ARID1B: variants seen among roughly 807,000 people sequenced by gnomAD.
ARID1B encodes the protein AT-rich interactive domain-containing protein 1B.
In ARID1B, 30 loss-of-function variants were observed where a neutral mutation model predicts 212.3. That is an observed-to-expected ratio of 0.14 (90% CI 0.11 to 0.19). ARID1B has a LOEUF of 0.19. Ranked by LOEUF, ARID1B falls within the 10% of genes least tolerant of loss-of-function variation. The pLI is 1.00. For missense variants in ARID1B, 2,891 were observed against 3,204.0 expected (o/e 0.90, Z 2.36); for synonymous variants, 1,402 against 1,301.7 (o/e 1.08, Z -1.66).
chr6:157,189,300 ACT>A (rs1174739341), intron 13 of ARID1B, among the ~76,000 whole-genome samples: 2 of 152,252 alleles, frequency 1.3e-5, no homozygotes, highest in East Asian at 3.9e-4. Context: ...GTGAATGAAC[ACT>A]CTTCTGCCTA....
chr6:157,194,740 T>C (rs970160112), intron 15 of ARID1B: 1 of 152,248 alleles, frequency 6.6e-6, no homozygotes, highest in East Asian at 1.9e-4. Context: ...TTTTTTCTTA[T>C]GGGAGAAGGG....
intron 3 of ARID1B, among the ~76,000 whole-genome samples, chr6:156,932,374 A>G (rs915461947): frequency 1.3e-5 from 2 of 148,478 alleles, no homozygotes; most frequent in Non-Finnish European, 3.0e-5. Flanking sequence ...CCTCATTTCC[A>G]TTGCCTGGTT....
chr6:156,926,530 A>G (rs1338784186), intron 3 of ARID1B, among the ~76,000 whole-genome samples: 1 of 152,218 alleles, frequency 6.6e-6, no homozygotes, highest in African/African-American at 2.4e-5. Context: ...AACTTCATTC[A>G]GTTTCCTTTA....
At chr6:156,846,748 G>A (rs1405556401) in intron 2 of ARID1B, among the ~76,000 whole-genome samples, 2 of 152,108 alleles carry the variant, frequency 1.3e-5, no homozygotes, top group African/African-American at 4.8e-5. Flanking sequence ...CCATGGACTC[G>A]CCTGCTGTGG....
chr6:157,130,191 A>T (rs981696104), intron 6 of ARID1B, among the ~76,000 whole-genome samples: 2 of 152,082 alleles, frequency 1.3e-5, no homozygotes, highest in African/African-American at 4.8e-5. Flanking sequence ...AGAATATAGT[A>T]TATTATCAGA....
rs56983474 is a variant in ARID1B at position 156,823,688 on chromosome 6, GT to G, written c.1792-5522del. Among the ~76,000 whole-genome samples, 297 of 118,008 alleles carry G rather than the reference GT, an allele frequency of 2.5e-3. 2 individuals carry two copies. The East Asian group carries it at 0.043, about 17-fold the overall frequency. The allele number at this position is 118,008 out of a possible 152,430, so 77.4% of individuals were successfully genotyped here. On this transcript the variant is annotated intron_variant, in intron 1 of 19. Coordinates refer to ENST00000636930, the MANE Select transcript of ARID1B (RefSeq NM_001374828.1). ...GTTCTTTCGGTGGGTTTTCTTTGTTGTTTTTTTTTTTTTTTTTGTGAAGTGT... is the reference window on the plus strand; with the variant it reads ...GTTCTTTCGGTGGGTTTTCTTTGTTGTTTTTTTTTTTTTTTTGTGAAGTGT...
intron 8 of ARID1B, 188 bp from the exon 9 acceptor site, chr6:157,166,852 G>T: frequency 1.7e-6 from 1 of 593,778 alleles, no homozygotes; most frequent in Non-Finnish European, 2.7e-6. Flanking sequence ...AATTGTAAAG[G>T]GGTGTATTAA....
At chr6:157,080,368 C>G (rs891598295) in intron 4 of ARID1B, among the ~76,000 whole-genome samples, 3 of 152,144 alleles carry the variant, frequency 2.0e-5, no homozygotes, top group African/African-American at 2.4e-5. Flanking sequence ...AGCTAACTTA[C>G]GCTAAATTGA....
rs533136848 is a variant in ARID1B at position 157,010,139 on chromosome 6, T to TACCAC, written c.2248-74523_2248-74522insACCAC. 3.8e-4 allele frequency among the ~76,000 whole-genome samples: 58 copies of TACCAC among 152,340 alleles called. 1 individual carries two copies. The South Asian group carries it at 0.012, about 32-fold the overall frequency. On this transcript the variant is annotated intron_variant, in intron 4 of 19. Transcript: ENST00000636930. ...AAAGTGATCACACTTATACCACTGA[T>TACCAC]TCACTGGTTTCACTCAGGGGTTTTG...
chr6:157,002,734 A>T (rs1221995596), intron 4 of ARID1B, among the ~76,000 whole-genome samples: 1 of 152,224 alleles, frequency 6.6e-6, no homozygotes, highest in Admixed American at 6.5e-5. Context: ...CTGCTGTGTT[A>T]TAAGTGAAGC....
rs143065191 is a variant in ARID1B at position 157,210,642 on chromosome 6, C to T, written c.*2751C>T. ...TTATTGCTTTGTCCTAAAAATTAGT[C>T]GGTTTTTTTTTTTCTATGAGGCTTT... On this transcript the variant is annotated 3_prime_UTR_variant, in exon 20 of 20. Transcript: ENST00000636930. 1,097 of 219,998 alleles carry T rather than the reference C, an allele frequency of 5.0e-3. 16 individuals carry two copies. Among genetic ancestry groups the T allele is most frequent in the African/African-American group, 0.022 (902 of 40,344 alleles). 13.6% of individuals were successfully genotyped at this position (219,998 alleles called of 1,614,324 possible). A position where few individuals can be genotyped will look rare whatever the true frequency, so the allele number is the denominator to read the frequency against.
intron 2 of ARID1B, among the ~76,000 whole-genome samples, chr6:156,856,887 T>A (rs1275513977): frequency 6.6e-6 from 1 of 151,998 alleles, no homozygotes; most frequent in Non-Finnish European, 1.5e-5. Context: ...ATATCTAAAC[T>A]GGACCGTTGG....
intron 4 of ARID1B, among the ~76,000 whole-genome samples, chr6:157,054,199 G>A (rs542677253): frequency 6.7e-6 from 1 of 148,448 alleles, no homozygotes; most frequent in Non-Finnish European, 1.5e-5. Flanking sequence ...ACTCCAGCCT[G>A]GGCCACAGAG....
chr6:157,141,467 T>G (rs1477770724), intron 7 of ARID1B, among the ~76,000 whole-genome samples: 1 of 152,244 alleles, frequency 6.6e-6, no homozygotes, highest in African/African-American at 2.4e-5. Context: ...TCTCTATTTA[T>G]TCCCACAAAT....
intron 4 of ARID1B, among the ~76,000 whole-genome samples, chr6:157,049,427 A>T (rs902029604): frequency 6.6e-6 from 1 of 152,160 alleles, no homozygotes; most frequent in African/African-American, 2.4e-5. Flanking sequence ...ACGGGGAGGG[A>T]CAGGACTGGC....
intron 6 of ARID1B, among the ~76,000 whole-genome samples, chr6:157,123,776 T>A (rs1343036891): frequency 6.6e-6 from 1 of 152,274 alleles, no homozygotes; most frequent in Non-Finnish European, 1.5e-5. Context: ...CTCTAGTGTG[T>A]GCAAGCACTG....
chr6:157,159,186 A>G (rs145274659), intron 8 of ARID1B, among the ~76,000 whole-genome samples: 5,001 of 152,332 alleles, frequency 0.033, 97 homozygotes, highest in Non-Finnish European at 0.04. Context: ...ATACCTTCAC[A>G]GTATTGAGGT....
intron 2 of ARID1B, among the ~76,000 whole-genome samples, chr6:156,899,100 A>G (rs1788718054): frequency 6.6e-6 from 1 of 152,212 alleles, no homozygotes; most frequent in Non-Finnish European, 1.5e-5. Flanking sequence ...TTCTAGTTTA[A>G]TAAGTCATAA....
At chr6:157,044,829 G>A (rs982163073) in intron 4 of ARID1B, among the ~76,000 whole-genome samples, 1 of 152,128 alleles carries the variant, frequency 6.6e-6, no homozygotes, top group Non-Finnish European at 1.5e-5. Flanking sequence ...ACAATTACAT[G>A]TTGCTGGTGG....
Sources: allele counts gnomAD v4.1 joint callset (sites outside exome capture counted in the v4.1 genomes callset), GRCh38; gene constraint gnomAD v4.1.1; transcripts MANE v1.5; gene names NCBI Gene and HGNC (gene_info 2026-07-23, HGNC 2026-07-21).